The following USP45 variants were observed in gnomAD, a reference collection of about 807,000 sequenced individuals.
USP45 encodes ubiquitin carboxyl-terminal hydrolase 45.
USP45 carries 89 observed loss-of-function variants against 95.8 expected under a neutral mutation model. The ratio of observed to expected loss-of-function variants is 0.93; its 90% confidence interval spans 0.78 to 1.11. The LOEUF (loss-of-function observed/expected upper bound fraction) is 1.11, where lower values mean the gene tolerates loss of function less well. USP45 is among the 50% of genes least tolerant of loss of function. The pLI is 0.00. For missense variants in USP45, 898 were observed against 942.5 expected (o/e 0.95, Z 0.62); for synonymous variants, 281 against 316.2 (o/e 0.89, Z 1.18).
intron 9 of USP45, among the ~76,000 whole-genome samples, chr6:99,469,878 C>CT (rs1432164878): frequency 1.3e-5 from 2 of 151,978 alleles, no homozygotes; most frequent in East Asian, 3.9e-4. Flanking sequence ...CAGGTGGTGC[C>CT]TGGTCCTTCC....
At chr6:99,477,353 G>C (rs1791114318) in intron 8 of USP45, among the ~76,000 whole-genome samples, 2 of 151,962 alleles carry the variant, frequency 1.3e-5, no homozygotes, top group African/African-American at 4.8e-5. Context: ...ACCTAGGCTG[G>C]AGTGCAGTGG....
At position 99,482,870 on chromosome 6, in the gene USP45, A is replaced by G. The variant is rs1364977066; in HGVS notation, c.728T>C (p.Val243Ala). The G allele has an allele frequency of 1.3e-6, 2 of 1,552,808 alleles. No homozygotes were observed. The highest frequency in any genetic ancestry group is 2.3e-5 in the East Asian group (1 of 43,510). The stretch of plus-strand genomic sequence containing the variant: ...CAGTGGTCCAGGCCTTGAAAGTTCC[A>G]CCACCAATGGGTCCTTTAAAAACAT... The part of the protein sequence containing the change: ...SSDSQLDPLV[V>A]ELSRPGPLTS... Residue 243 changes from valine (V) to alanine (A), a missense_variant, in exon 8 of 18, where the codon GTG becomes GCG. By Grantham distance (64) the Val-to-Ala change is moderately conservative. Transcript: ENST00000500704.
intron 13 of USP45, among the ~76,000 whole-genome samples, chr6:99,452,185 C>G (rs1784019384): frequency 6.6e-6 from 1 of 152,162 alleles, no homozygotes; most frequent in South Asian, 2.1e-4. Flanking sequence ...CAAATGGGAT[C>G]TAATTAAACT....
rs1780327844 is a variant in USP45, at chr6:99,435,653, AT to A, written c.*62del. Reference sequence around the variant, plus strand: ...AGGGAAGACTAGAAAGGCACATTATATATTATAGTTATCACTGTGGCATTCA... The same window carrying A: ...AGGGAAGACTAGAAAGGCACATTATAATTATAGTTATCACTGTGGCATTCA... On this transcript the variant is annotated 3_prime_UTR_variant, in exon 18 of 18. Transcript: ENST00000500704. The A allele has an allele frequency of 3.1e-5, 45 of 1,449,352 alleles. 1 individual carries two copies. In the South Asian group the frequency reaches 5.2e-4, roughly 17 times the overall value. 89.8% of individuals were successfully genotyped at this position (1,449,352 alleles called of 1,614,324 possible). A position where few individuals can be genotyped will look rare whatever the true frequency, so the allele number is the denominator to read the frequency against.
intron 13 of USP45, among the ~76,000 whole-genome samples, chr6:99,456,123 A>T (rs1271897866): frequency 8.4e-6 from 1 of 119,514 alleles, no homozygotes; most frequent in East Asian, 2.5e-4. Context: ...ACAGAGCGAG[A>T]CTCTGTCTCG....
chr6:99,449,407 T>C (rs1783328378), intron 13 of USP45, among the ~76,000 whole-genome samples: 2 of 151,756 alleles, frequency 1.3e-5, no homozygotes, highest in Admixed American at 1.3e-4. Flanking sequence ...ACAACAAAGA[T>C]CAAAAGAGAA....
At chr6:99,491,644 A>G (rs1795199294) in intron 5 of USP45, among the ~76,000 whole-genome samples, 1 of 152,212 alleles carries the variant, frequency 6.6e-6, no homozygotes, top group Admixed American at 6.5e-5. Flanking sequence ...TACCACCTAA[A>G]TTCTCTTCAG....
At chr6:99,448,828 T>C (rs1220159314) in intron 13 of USP45, among the ~76,000 whole-genome samples, 1 of 152,246 alleles carries the variant, frequency 6.6e-6, no homozygotes, top group African/African-American at 2.4e-5. Flanking sequence ...AGCAGATCTC[T>C]TGGCAGAAAC....
intron 13 of USP45, among the ~76,000 whole-genome samples, chr6:99,454,786 C>A (rs1313292091): frequency 6.6e-6 from 1 of 152,096 alleles, no homozygotes; most frequent in Admixed American, 6.6e-5. Flanking sequence ...GTACAGCCAT[C>A]ATAGAAAACA....
chr6:99,476,080 TA>T, intron 9 of USP45, 62 bp downstream of exon 9: 1 of 1,496,674 alleles, frequency 6.7e-7, no homozygotes, highest in African/African-American at 1.4e-5. Flanking sequence ...GGCCCCCCAA[TA>T]ATCCCTTAGT....
intron 6 of USP45, 122 bp from the exon 7 acceptor site, chr6:99,488,417 T>G (rs1023516583): frequency 1.4e-6 from 1 of 720,030 alleles, no homozygotes; most frequent in African/African-American, 1.8e-5. Flanking sequence ...TATTAAGATT[T>G]AGTTGAGTAC....
chr6:99,484,127 C>T (rs1793216345), intron 7 of USP45, among the ~76,000 whole-genome samples: 1 of 148,640 alleles, frequency 6.7e-6, no homozygotes, highest in African/African-American at 2.5e-5. Context: ...TGAGCCACCA[C>T]ACCCAGTCAA....
intron 5 of USP45, among the ~76,000 whole-genome samples, chr6:99,502,728 T>C (rs116939145): frequency 5.7e-4 from 87 of 152,352 alleles, no homozygotes; most frequent in Non-Finnish European, 1.0e-3. Context: ...GGGAGTGGGC[T>C]TCTCACGAAT....
chr6:99,503,408 C>T (rs980116598), intron 5 of USP45, among the ~76,000 whole-genome samples: 1 of 151,726 alleles, frequency 6.6e-6, no homozygotes, highest in East Asian at 1.9e-4. Flanking sequence ...CTCACTGCAA[C>T]CTCCGCCTCC....
At chr6:99,451,431 T>C (rs987823865) in intron 13 of USP45, among the ~76,000 whole-genome samples, 25 of 152,156 alleles carry the variant, frequency 1.6e-4, no homozygotes, top group Non-Finnish European at 3.5e-4. Context: ...CCATTCACAA[T>C]TGCTTCAAAG....
chr6:99,445,675 A>T, intron 14 of USP45, 122 bp downstream of exon 14: 1 of 751,954 alleles, frequency 1.3e-6, no homozygotes, highest in Middle Eastern at 3.9e-4. Flanking sequence ...TATGAATGAA[A>T]CAATCTCTGC....
intron 11 of USP45, among the ~76,000 whole-genome samples, chr6:99,465,788 A>T (rs755113122): frequency 3.9e-5 from 6 of 152,192 alleles, no homozygotes; most frequent in Non-Finnish European, 8.8e-5. Flanking sequence ...ATTTAAACCT[A>T]TCATACTCTA....
intron 13 of USP45, among the ~76,000 whole-genome samples, chr6:99,455,653 TAAAGAA>T (rs1414085885): frequency 6.6e-6 from 1 of 151,330 alleles, no homozygotes; most frequent in Admixed American, 6.6e-5. Flanking sequence ...GATGAATGGA[TAAAGAA>T]AATGTAGTAT....
intron 13 of USP45, among the ~76,000 whole-genome samples, chr6:99,463,739 G>A (rs1787123832): frequency 6.9e-6 from 1 of 143,932 alleles, no homozygotes; most frequent in Admixed American, 7.2e-5. Context: ...TTGAACCCAG[G>A]AGGCAGAGGT....
Sources: allele counts gnomAD v4.1 joint callset (sites outside exome capture counted in the v4.1 genomes callset), GRCh38; gene constraint gnomAD v4.1.1; transcripts MANE v1.5; gene names NCBI Gene and HGNC (gene_info 2026-07-23, HGNC 2026-07-21).